The following DISC1 variants were observed in gnomAD, a reference collection of about 807,000 sequenced individuals.
DISC1 encodes the protein disrupted in schizophrenia 1 protein.
Under a neutral mutation model 84.5 loss-of-function variants are expected in DISC1, and 57 were observed. The ratio of observed to expected loss-of-function variants is 0.67; its 90% CI spans 0.55 to 0.84. The LOEUF (loss-of-function observed/expected upper bound fraction) is 0.84, where lower values mean the gene tolerates loss of function less well. Among genes scored for constraint, DISC1 ranks in the 40% least tolerant of loss-of-function variants. The pLI, the probability that DISC1 is intolerant of heterozygous loss-of-function variation, is 0.00. For missense variants in DISC1, 1,000 were observed against 1,057.8 expected (o/e 0.95, Z 0.76); for synonymous variants, 411 against 415.2 (o/e 0.99, Z 0.12).
At chr1:231,927,190 G>T (rs922650126) in intron 9 of DISC1, among the ~76,000 whole-genome samples, 1 of 152,292 alleles carries the variant, frequency 6.6e-6, no homozygotes, top group Middle Eastern at 3.4e-3. Flanking sequence ...CTCATTCCCT[G>T]TTTGGGTTTC....
At position 231,997,255 on chromosome 1, in the gene DISC1, C is replaced by T. The variant is rs377638768; in HGVS notation, c.2043-11530C>T. Among the ~76,000 whole-genome samples the T allele has an allele frequency of 7.9e-5, 12 of 152,148 alleles. No homozygotes were observed. The South Asian group carries it at 2.3e-3, about 29-fold the overall frequency. On this transcript the variant is annotated intron_variant, in intron 10 of 12. Transcript: ENST00000439617. Reference sequence around the variant, plus strand: ...CAAATAGACACAAAGTTACAGTATTCCAGTCATTATACTGCAGAAAATTAT... The same window carrying T: ...CAAATAGACACAAAGTTACAGTATTTCAGTCATTATACTGCAGAAAATTAT...
chr1:231,825,279 A>G (rs1436568027), intron 9 of DISC1, among the ~76,000 whole-genome samples: 1 of 151,068 alleles, frequency 6.6e-6, no homozygotes, highest in Non-Finnish European at 1.5e-5. Context: ...TTCATACCAA[A>G]TTGCAACAGG....
intron 12 of DISC1, among the ~76,000 whole-genome samples, chr1:232,035,482 G>T (rs1465021086): frequency 6.6e-6 from 1 of 152,134 alleles, no homozygotes; most frequent in Non-Finnish European, 1.5e-5. Flanking sequence ...TTTCCACAGT[G>T]GTTCGTAAGG....
intron 9 of DISC1, among the ~76,000 whole-genome samples, chr1:231,949,209 G>T (rs561738859): frequency 6.6e-6 from 1 of 152,228 alleles, no homozygotes; most frequent in East Asian, 1.9e-4. Context: ...CATCACCCAT[G>T]TATCTATCAC....
At chr1:231,968,591 CAA>C (rs34437165) in intron 10 of DISC1, among the ~76,000 whole-genome samples, 5,874 of 88,938 alleles carry the variant, frequency 0.066, 374 homozygotes, top group African/African-American at 0.2. Flanking sequence ...GACTCCGTCT[CAA>C]AAAAAAAAAA....
At chr1:231,883,348 C>T (rs2086432929) in intron 9 of DISC1, among the ~76,000 whole-genome samples, 1 of 152,092 alleles carries the variant, frequency 6.6e-6, no homozygotes, top group Non-Finnish European at 1.5e-5. Context: ...AACCCCTTGC[C>T]GTCGGGAGCT....
At chr1:232,026,373 C>A in intron 11 of DISC1, 62 bp from the exon 12 acceptor site, 1 of 1,177,648 alleles carries the variant, frequency 8.5e-7, no homozygotes. Flanking sequence ...AGGAAGCTTC[C>A]CTTTGTGTTC....
intron 9 of DISC1, among the ~76,000 whole-genome samples, chr1:231,842,721 C>A (rs184354823): frequency 6.6e-6 from 1 of 152,268 alleles, no homozygotes; most frequent in Non-Finnish European, 1.5e-5. Context: ...GGCTGTTTCA[C>A]TTCTGTGAGC....
intron 3 of DISC1, among the ~76,000 whole-genome samples, chr1:231,711,438 C>A (rs1169559507): frequency 1.4e-5 from 2 of 148,076 alleles, no homozygotes; most frequent in African/African-American, 5.0e-5. Flanking sequence ...TGGCTCACTG[C>A]AAGCTCCGCC....
intron 8 of DISC1, among the ~76,000 whole-genome samples, chr1:231,809,016 G>T (rs923057480): frequency 6.6e-6 from 1 of 152,210 alleles, no homozygotes; most frequent in Admixed American, 6.5e-5. Flanking sequence ...AAGGCACATG[G>T]CAACTGGCAG....
intron 4 of DISC1, among the ~76,000 whole-genome samples, chr1:231,756,043 G>T (rs2075078452): frequency 2.0e-5 from 3 of 152,204 alleles, no homozygotes; most frequent in African/African-American, 7.2e-5. Flanking sequence ...AAGTCTTCAC[G>T]ATCCAGCCCC....
intron 9 of DISC1, among the ~76,000 whole-genome samples, chr1:231,836,984 G>A (rs1330468210): frequency 6.6e-6 from 1 of 152,088 alleles, no homozygotes; most frequent in Non-Finnish European, 1.5e-5. Flanking sequence ...AATGTTTCAG[G>A]ATTATTCATT....
chr1:231,862,412 G>A (rs999277785), intron 9 of DISC1, among the ~76,000 whole-genome samples: 1 of 152,190 alleles, frequency 6.6e-6, no homozygotes, highest in Non-Finnish European at 1.5e-5. Flanking sequence ...TGACTACTTC[G>A]ATGGTTTTAG....
rs6676738 is a variant in DISC1 at position 231,855,242 on chromosome 1, T to C, written c.1981+36725T>C. 0.012 allele frequency: 12,006 copies of C among 982,116 alleles called. 1,059 individuals are homozygous for C. In the African/African-American group the frequency reaches 0.19, roughly 15 times the overall value. The allele number at this position is 982,116 out of a possible 1,614,324, so 60.8% of individuals were successfully genotyped here. A position where few individuals can be genotyped will look rare whatever the true frequency, so the allele number is the denominator to read the frequency against. ...TCTTTGTTCACTTTACACTGTACTG[T>C]AAAGAATCACAAGAGTGTCTCATAA... On this transcript the variant is annotated intron_variant, in intron 9 of 12. Transcript: ENST00000439617.
At chr1:231,650,008 C>G (rs896319307) in intron 1 of DISC1, among the ~76,000 whole-genome samples, 2 of 152,136 alleles carry the variant, frequency 1.3e-5, no homozygotes, top group Non-Finnish European at 2.9e-5. Context: ...GGTCTTGACT[C>G]TTTGTCCAAT....
chr1:231,848,515 C>A (rs1195581514), intron 9 of DISC1, among the ~76,000 whole-genome samples: 1 of 152,166 alleles, frequency 6.6e-6, no homozygotes, highest in Non-Finnish European at 1.5e-5. Context: ...GCCTGAGAAT[C>A]TGCATTTCTA....
At chr1:231,642,440 G>C (rs2059800914) in intron 1 of DISC1, among the ~76,000 whole-genome samples, 1 of 152,252 alleles carries the variant, frequency 6.6e-6, no homozygotes, top group African/African-American at 2.4e-5. Flanking sequence ...AGCGCGGGCT[G>C]CGAGGACTGC....
chr1:231,663,777 A>G (rs1350311998), intron 1 of DISC1, among the ~76,000 whole-genome samples: 2 of 152,200 alleles, frequency 1.3e-5, no homozygotes, highest in African/African-American at 4.8e-5. Flanking sequence ...GGTCTCCTCC[A>G]TAACCAGAGC....
chr1:231,828,988 CT>C (rs1219573197), intron 9 of DISC1, among the ~76,000 whole-genome samples: 1 of 152,094 alleles, frequency 6.6e-6, no homozygotes, highest in Non-Finnish European at 1.5e-5. Context: ...TCATTATACA[CT>C]TCTGTGTCCC....
Sources: allele counts gnomAD v4.1 joint callset (sites outside exome capture counted in the v4.1 genomes callset), GRCh38; gene constraint gnomAD v4.1.1; transcripts MANE v1.5; gene names NCBI Gene and HGNC (gene_info 2026-07-23, HGNC 2026-07-21).